Variants in CARS2 observed in about 807,000 individuals in gnomAD.
CARS2 encodes the protein probable cysteine--tRNA ligase, mitochondrial.
Under a neutral mutation model 68.8 loss-of-function variants are expected in CARS2, and 52 were observed. The ratio of observed to expected loss-of-function variants is 0.76; its 90% confidence interval spans 0.61 to 0.95. CARS2 has a LOEUF of 0.95. Ranked by LOEUF, CARS2 falls within the 40% of genes least tolerant of loss-of-function variation. CARS2 has a pLI of 0.00. For missense variants in CARS2, 780 were observed against 754.2 expected (o/e 1.03, Z -0.40); for synonymous variants, 314 against 303.6 (o/e 1.03, Z -0.36).
intron 12 of CARS2, chr13:110,645,159 C>T (rs371854249): frequency 6.6e-6 from 1 of 152,562 alleles, no homozygotes; most frequent in East Asian, 1.9e-4. Flanking sequence ...TTCCTGCAGC[C>T]GGCTGTGACT....
At chr13:110,664,243 A>G (rs8000115) in intron 8 of CARS2, 811,145 of 977,510 alleles carry the variant, frequency 0.83, 337,569 homozygotes, top group East Asian at 0.85. Flanking sequence ...GCAGTGGCTC[A>G]CACCCGTAAT....
At chr13:110,649,935 T>C (rs1379418356) in intron 10 of CARS2, among the ~76,000 whole-genome samples, 1 of 135,796 alleles carries the variant, frequency 7.4e-6, no homozygotes, top group Non-Finnish European at 1.5e-5. Context: ...TAACGACTTT[T>C]TTTTTTTTTT....
chr13:110,655,402 TTTAA>T (rs974885294), intron 9 of CARS2, among the ~76,000 whole-genome samples: 1 of 152,238 alleles, frequency 6.6e-6, no homozygotes, highest in African/African-American at 2.4e-5. Context: ...TAGGGGATTC[TTTAA>T]TTAAGCTGCA....
rs530898645 is a variant in CARS2 at position 110,665,170 on chromosome 13, C to T, written c.920-1652G>A. On this transcript the variant is annotated intron_variant, in intron 8 of 14. Coordinates refer to ENST00000257347, the MANE Select transcript of CARS2 (RefSeq NM_024537.4). The surrounding 1 kb of genome is among the most constrained non-coding windows in gnomAD (Gnocchi z 4.3). Reference sequence around the variant, plus strand: ...AAATAGCCACAAAACTTTCCCACCACGTGCAGTGGCTCACGCCTATAATCC... The same window carrying T: ...AAATAGCCACAAAACTTTCCCACCATGTGCAGTGGCTCACGCCTATAATCC... The T allele has an allele frequency of 3.8e-5, 37 of 985,242 alleles. No homozygotes were observed. The highest frequency in any genetic ancestry group is 4.1e-5 in the Non-Finnish European group (34 of 829,780). 61.0% of individuals were successfully genotyped at this position (985,242 alleles called of 1,614,324 possible). A position where few individuals can be genotyped will look rare whatever the true frequency, so the allele number is the denominator to read the frequency against.
chr13:110,680,161 G>A (rs1298322927), intron 6 of CARS2, among the ~76,000 whole-genome samples: 2 of 72,554 alleles, frequency 2.8e-5, no homozygotes, highest in African/African-American at 5.5e-5. Flanking sequence ...GGGGGGGGGG[G>A]GGGGTGGATC....
chr13:110,660,864 T>C (rs2478465), intron 9 of CARS2, among the ~76,000 whole-genome samples: 40,418 of 148,942 alleles, frequency 0.27, 5,893 homozygotes, highest in Admixed American at 0.38. Context: ...CAGGTTCAAG[T>C]GATTCTCCTG....
chr13:110,701,228 T>A (rs911451593), intron 3 of CARS2: 2 of 392,026 alleles, frequency 5.1e-6, no homozygotes, highest in African/African-American at 4.2e-5. Context: ...CACACCTGAC[T>A]AATTTTTGTA....
chr13:110,665,714 C>T lies in CARS2; in HGVS notation c.919+1626G>A, dbSNP rs188576949. On this transcript the variant is annotated intron_variant, in intron 8 of 14. Transcript: ENST00000257347. The surrounding 1 kb of genome is among the most constrained non-coding windows in gnomAD (Gnocchi z 4.3). ...CCAGCTCCTCAGACAGTTCAGGGAGCGCTGAACTGAGCCCTGAACGAAGTC... is the reference window on the plus strand; with the variant it reads ...CCAGCTCCTCAGACAGTTCAGGGAGTGCTGAACTGAGCCCTGAACGAAGTC... 4.1e-3 allele frequency: 4,063 copies of T among 985,334 alleles called. 14 individuals are homozygous for T. The highest frequency in any genetic ancestry group is 4.7e-3 in the Non-Finnish European group (3,902 of 829,914). 61.0% of individuals were successfully genotyped at this position (985,334 alleles called of 1,614,324 possible).
chr13:110,695,533 A>G (rs1049244085), intron 3 of CARS2, among the ~76,000 whole-genome samples: 3 of 152,102 alleles, frequency 2.0e-5, no homozygotes, highest in Admixed American at 2.0e-4. Context: ...CAGCAAGGAG[A>G]GTGTACATGC....
intron 2 of CARS2, among the ~76,000 whole-genome samples, chr13:110,702,587 A>G (rs1404836979): frequency 6.6e-6 from 1 of 152,226 alleles, no homozygotes; most frequent in East Asian, 1.9e-4. Flanking sequence ...AAATGAAAAC[A>G]AGAGTCAAGT....
rs2063908830 is a variant in CARS2, at chr13:110,705,331, G to A, written c.275+190C>T. Among the ~76,000 whole-genome samples, 1 of 152,226 alleles carries A rather than the reference G, an allele frequency of 6.6e-6. No individual in the cohort carries two copies. Among genetic ancestry groups the A allele is most frequent in the Non-Finnish European group, 1.5e-5 (1 of 68,040 alleles). ...ATTGTCTCCCTGAGTTTCCTCACCT[G>A]TAAAACGGGTGTAAGTGCTCAGAAT... On this transcript the variant is annotated intron_variant, in intron 2 of 14. Transcript: ENST00000257347. The surrounding 1 kb of genome is among the most constrained non-coding windows in gnomAD (Gnocchi z 4.0).
Position 110,647,090 on chromosome 13 carries a change from G to C in CARS2, c.1193+11C>G. 6.4e-7 allele frequency: 1 copy of C among 1,566,166 alleles called. No individual in the cohort carries two copies. The highest frequency in any genetic ancestry group is 2.3e-5 in the East Asian group (1 of 42,634). On this transcript the variant is annotated intron_variant, in intron 11 of 14. Coordinates refer to ENST00000257347, the MANE Select transcript of CARS2 (RefSeq NM_024537.4). ...AGGGGTGCCACGCCGGGTGCTAGGC[G>C]GGCCTCTTACCTCTCCCACAGCATC... is the stretch of plus-strand genomic sequence containing the variant.
At chr13:110,712,874 C>A in intron 1 of CARS2, 1 of 1,365,522 alleles carries the variant, frequency 7.3e-7, no homozygotes, top group African/African-American at 1.4e-5. Context: ...CCAAGCCGTT[C>A]CAAACTGAGT....
upstream of CARS2, chr13:110,706,136 G>C (rs1411174258): frequency 8.0e-7 from 1 of 1,257,060 alleles, no homozygotes; most frequent in African/African-American, 1.6e-5. Flanking sequence ...CGGGAGCCAC[G>C]CCGGGTACGC....
chr13:110,658,755 T>C (rs1566667634), intron 9 of CARS2, among the ~76,000 whole-genome samples: 3 of 152,056 alleles, frequency 2.0e-5, no homozygotes, highest in Admixed American at 1.3e-4. Flanking sequence ...AAACCCTGTC[T>C]CTACTAAACA....
chr13:110,701,792 G>A (rs2063795405), intron 2 of CARS2, among the ~76,000 whole-genome samples: 1 of 152,174 alleles, frequency 6.6e-6, no homozygotes. Flanking sequence ...CACAATATTA[G>A]CATTTTTAAT....
chr13:110,680,303 G>A (rs2063124003), intron 6 of CARS2, among the ~76,000 whole-genome samples: 1 of 152,284 alleles, frequency 6.6e-6, no homozygotes, highest in East Asian at 1.9e-4. Flanking sequence ...GAGGCAGGGA[G>A]AACTGCTTGA....
At chr13:110,712,625 G>C (rs963819614) in intron 1 of CARS2, 7 of 519,298 alleles carry the variant, frequency 1.3e-5, no homozygotes, top group African/African-American at 1.9e-5. Context: ...AGCTTTGGGA[G>C]GGTAGAGGGG....
At chr13:110,707,640 C>G (rs1426470010), upstream of CARS2, 2 of 98,702 alleles carry the variant, frequency 2.0e-5, no homozygotes, top group Non-Finnish European at 5.2e-5. Context: ...GAGGGAGACT[C>G]CGCCTGAAAA....
Sources: gnomAD v4.1 joint callset for allele counts (sites outside exome capture counted in the v4.1 genomes callset) on GRCh38, gnomAD v4.1.1 for gene constraint, Gnocchi (gnomAD v3.1) non-coding constraint, MANE v1.5 for transcripts, NCBI Gene and HGNC (gene_info 2026-07-23, HGNC 2026-07-21) for gene names.